The following NR5A2 variants were observed in gnomAD, a reference collection of about 807,000 sequenced individuals.
NR5A2 encodes nuclear receptor subfamily 5 group A member 2, also known as CYP7A promoter-binding factor.
A neutral mutation model predicts 62.7 loss-of-function variants in NR5A2; 26 were observed. The ratio of observed to expected loss-of-function variants is 0.41; its 90% CI spans 0.30 to 0.58. The LOEUF is 0.58. Among genes scored for constraint, NR5A2 ranks in the 20% least tolerant of loss-of-function variants. NR5A2 has a pLI of 0.22. For synonymous variants in NR5A2, 246 were observed against 241.7 expected (o/e 1.02, Z -0.16); for missense variants, 541 against 669.1 (o/e 0.81, Z 2.11).
intron 1 of NR5A2, among the ~76,000 whole-genome samples, chr1:200,033,308 A>C (rs1661612567): frequency 6.6e-6 from 1 of 152,136 alleles, no homozygotes; most frequent in African/African-American, 2.4e-5. Flanking sequence ...GGGCAGGGAA[A>C]TCACTCAAAC....
chr1:200,069,346 C>T (rs1175134571), intron 5 of NR5A2, among the ~76,000 whole-genome samples: 7 of 151,974 alleles, frequency 4.6e-5, no homozygotes, highest in Non-Finnish European at 1.0e-4. Context: ...CTGCAACCTC[C>T]ACCTCCTGAG....
intron 5 of NR5A2, among the ~76,000 whole-genome samples, chr1:200,050,941 A>G (rs1662600402): frequency 6.6e-6 from 1 of 152,198 alleles, no homozygotes; most frequent in Admixed American, 6.5e-5. Context: ...GTTTTATGAA[A>G]AATGTGCAGA....
rs562991457 is a variant in NR5A2 at position 200,052,855 on chromosome 1, T to C, written c.1110+4037T>C. Among the ~76,000 whole-genome samples, 4 of 152,220 alleles carry C rather than the reference T, an allele frequency of 2.6e-5. No homozygotes were observed. The South Asian group carries it at 8.3e-4, about 32-fold the overall frequency. On this transcript the variant is annotated intron_variant, in intron 5 of 7. Transcript: ENST00000367362. ...CGGTGTTTCACCGTGTTAGCCAGGATGGTCTTGATCTCCTGACCTTGCGAT... is the reference window on the plus strand; with the variant it reads ...CGGTGTTTCACCGTGTTAGCCAGGACGGTCTTGATCTCCTGACCTTGCGAT...
intron 5 of NR5A2, among the ~76,000 whole-genome samples, chr1:200,079,382 G>C (rs115810963): frequency 0.013 from 1,964 of 152,252 alleles, 40 homozygotes; most frequent in African/African-American, 0.044. Context: ...TCACAGGCCC[G>C]CTGCTTTACA....
intron 7 of NR5A2, among the ~76,000 whole-genome samples, chr1:200,128,868 A>G (rs1032269522): frequency 1.3e-5 from 2 of 152,200 alleles, no homozygotes; most frequent in African/African-American, 4.8e-5. Flanking sequence ...GATTTGGATA[A>G]AAGTCTTTTA....
At chr1:200,042,365 G>C (rs992237250) in intron 2 of NR5A2, among the ~76,000 whole-genome samples, 1 of 152,152 alleles carries the variant, frequency 6.6e-6, no homozygotes, top group African/African-American at 2.4e-5. Flanking sequence ...TCCGACCGAA[G>C]AGCTCGGGAA....
rs868561310 is a variant in NR5A2, at chr1:200,147,322, C to T, written c.1378+26367C>T. On this transcript the variant is annotated intron_variant, in intron 7 of 7. Transcript: ENST00000367362. The surrounding 1 kb of genome is among the most constrained non-coding windows in gnomAD (Gnocchi z 4.9). ...CCAGGCGCCTACTGTGCGCTCCTCT[C>T]CTCATCCAGCAAAGCTCGGCCTACA... Among the ~76,000 whole-genome samples, 1 of 152,216 alleles carries T rather than the reference C, an allele frequency of 6.6e-6. No homozygotes were observed. Among genetic ancestry groups the T allele is most frequent in the Non-Finnish European group, 1.5e-5 (1 of 68,038 alleles).
At chr1:200,075,532 A>T (rs908038127) in intron 5 of NR5A2, among the ~76,000 whole-genome samples, 1 of 152,268 alleles carries the variant, frequency 6.6e-6, no homozygotes, top group Admixed American at 6.5e-5. Context: ...TTAGAATTAG[A>T]CTTTCATTAA....
rs1665937937 is a variant in NR5A2, at chr1:200,111,336, C to CTAAAAA, written c.1230+15_1230+16insTAAAAA. On this transcript the variant is annotated intron_variant, in intron 6 of 7. Coordinates refer to ENST00000367362, the MANE Select transcript of NR5A2 (RefSeq NM_205860.3). The stretch of plus-strand genomic sequence containing the variant: ...CTGGGCAACAAGTGAGTGTAGAGAC[C>CTAAAAA]AAAAAAAAAAAAAAAGCATCTTTTT... 1 of 1,159,010 alleles carries CTAAAAA rather than the reference C, an allele frequency of 8.6e-7. No individual in the cohort carries two copies. Among genetic ancestry groups the CTAAAAA allele is most frequent in the African/African-American group, 1.7e-5 (1 of 57,214 alleles). The allele number at this position is 1,159,010 out of a possible 1,614,324, so 71.8% of individuals were successfully genotyped here.
rs182552712 is a variant in NR5A2 at position 200,174,438 on chromosome 1, C to T, written c.*228C>T. The T allele has an allele frequency of 8.5e-5, 31 of 362,730 alleles. No individual in the cohort carries two copies. Among genetic ancestry groups the T allele is most frequent in the African/African-American group, 5.4e-4 (26 of 47,946 alleles). The allele number at this position is 362,730 out of a possible 1,614,324, so 22.5% of individuals were successfully genotyped here. On this transcript the variant is annotated 3_prime_UTR_variant, in exon 8 of 8. Coordinates refer to ENST00000367362, the MANE Select transcript of NR5A2 (RefSeq NM_205860.3). ...TGCAAACTGTGAATCAAAGGCTTCA[C>T]AGCCCCAGAGGATTCCATATAAAAG...
chr1:200,106,442 G>A (rs1446901654), intron 5 of NR5A2, among the ~76,000 whole-genome samples: 1 of 152,134 alleles, frequency 6.6e-6, no homozygotes, highest in Non-Finnish European at 1.5e-5. Context: ...AACAATATGG[G>A]ACTTGTATTC....
intron 7 of NR5A2, among the ~76,000 whole-genome samples, chr1:200,135,258 C>T (rs1365376400): frequency 1.3e-4 from 20 of 152,258 alleles, no homozygotes; most frequent in African/African-American, 4.3e-4. Flanking sequence ...CAGCGGCTCA[C>T]GCCTGTAATC....
rs1242730786 is a variant in NR5A2, at chr1:200,048,535, C to A, written c.827C>A (p.Pro276His). Residue 276 changes from proline to histidine, a missense_variant, in exon 5 of 8, where the codon CCC (proline) becomes CAC (histidine). Transcript: ENST00000367362. This position sits in a 1 kb window ranked among gnomAD's most constrained non-coding sequence, Gnocchi z 4.8. ...GCCATCAAGTCTGAGTACCCAGACCCCTATACCAGCTCACCCGAGTCCATA... is the reference window on the plus strand; with the variant it reads ...GCCATCAAGTCTGAGTACCCAGACCACTATACCAGCTCACCCGAGTCCATA... ...SRAIKSEYPD[P>H]YTSSPESIMG... 1 of 1,614,168 alleles carries A rather than the reference C, an allele frequency of 6.2e-7. No homozygotes were observed. Among genetic ancestry groups the A allele is most frequent in the Non-Finnish European group, 8.5e-7 (1 of 1,180,020 alleles).
chr1:200,143,039 G>A (rs1042015157), intron 7 of NR5A2, among the ~76,000 whole-genome samples: 1 of 150,958 alleles, frequency 6.6e-6, no homozygotes, highest in Non-Finnish European at 1.5e-5. Context: ...TAAAAAGTGT[G>A]TGTGTATGTG....
At chr1:200,154,276 C>T (rs908153669) in intron 7 of NR5A2, among the ~76,000 whole-genome samples, 3 of 152,130 alleles carry the variant, frequency 2.0e-5, no homozygotes, top group African/African-American at 7.2e-5. Flanking sequence ...CTATTGCCAG[C>T]CTCACAGATG....
intron 6 of NR5A2, among the ~76,000 whole-genome samples, chr1:200,111,592 G>A (rs1665960267): frequency 6.6e-6 from 1 of 152,212 alleles, no homozygotes; most frequent in South Asian, 2.1e-4. Flanking sequence ...ACTGGTAAAT[G>A]AAACGTAATG....
At chr1:200,161,916 A>G (rs1299754686) in intron 7 of NR5A2, among the ~76,000 whole-genome samples, 1 of 152,200 alleles carries the variant, frequency 6.6e-6, no homozygotes, top group Non-Finnish European at 1.5e-5. Flanking sequence ...TGGTGTAGGA[A>G]ATAAGAAACA....
chr1:200,157,983 G>A (rs1366425830), intron 7 of NR5A2, among the ~76,000 whole-genome samples: 2 of 152,180 alleles, frequency 1.3e-5, no homozygotes, highest in African/African-American at 2.4e-5. Context: ...TATTTAGAAT[G>A]AATGTAGATA....
intron 5 of NR5A2, among the ~76,000 whole-genome samples, chr1:200,102,065 C>T (rs1478657087): frequency 1.3e-5 from 2 of 152,106 alleles, no homozygotes; most frequent in African/African-American, 4.8e-5. Context: ...AAATGAAAAA[C>T]CTGACATTTA....
Sources: gnomAD v4.1 joint callset for allele counts (sites outside exome capture counted in the v4.1 genomes callset) on GRCh38, gnomAD v4.1.1 for gene constraint, Gnocchi (gnomAD v3.1) non-coding constraint, MANE v1.5 for transcripts, NCBI Gene and HGNC (gene_info 2026-07-23, HGNC 2026-07-21) for gene names.